Variants in IL17RA observed in about 807,000 individuals in gnomAD.
IL17RA encodes interleukin 17 receptor A.
IL17RA carries 34 observed loss-of-function variants against 50.4 expected under a neutral mutation model. The ratio of observed to expected loss-of-function variants is 0.67; its 90% CI spans 0.51 to 0.90. The LOEUF is 0.90. Ranked by LOEUF, IL17RA falls within the 40% of genes least tolerant of loss-of-function variation. The pLI is 0.00. For missense variants in IL17RA, 1,276 were observed against 1,169.8 expected (o/e 1.09, Z -1.32); for synonymous variants, 585 against 510.4 (o/e 1.15, Z -1.97).
Position 17,087,564 on chromosome 22 carries a change from C to T in IL17RA, c.138+2335C>T, listed in dbSNP as rs575595585. Reference sequence around the variant, plus strand: ...AAGAATGCATGAATGAAGGAAAGAACGGTCAGCTCTGCTTGGAAGGTAGTG... The same window carrying T: ...AAGAATGCATGAATGAAGGAAAGAATGGTCAGCTCTGCTTGGAAGGTAGTG... On this transcript the variant is annotated intron_variant, in intron 1 of 12. Transcript: ENST00000319363. 2.0e-4 allele frequency among the ~76,000 whole-genome samples: 31 copies of T among 152,318 alleles called. No homozygotes were observed. In the South Asian group the frequency reaches 3.3e-3, roughly 16 times the overall value.
chr22:17,107,898 C>A (rs1314770066), intron 12 of IL17RA, 130 bp downstream of exon 12: 36 of 788,788 alleles, frequency 4.6e-5, no homozygotes, highest in Admixed American at 1.9e-5. Flanking sequence ...TTAGAAACCC[C>A]CTTCCAGTAC....
At position 17,097,909 on chromosome 22, in the gene IL17RA, C is replaced by T. The variant is rs780817422; in HGVS notation, c.276C>T (p.Pro92=). The part of the protein sequence containing the change: ...FAHTQQGDLF[P]VAHIEWTLQT... ...ACACCCAACAAGGAGACCTGTTCCC[C>T]GTGGCTCACATCGAATGGACACTGC... The change falls in exon 3 of 13, where the codon CCC becomes CCT. Residue 92 remains proline, a synonymous_variant. Transcript: ENST00000319363. 28 of 1,614,142 alleles carry T rather than the reference C, an allele frequency of 1.7e-5. No homozygotes were observed. The highest frequency in any genetic ancestry group is 8.9e-5 in the East Asian group (4 of 44,886).
chr22:17,103,769 G>A (rs1359256945), intron 8 of IL17RA, among the ~76,000 whole-genome samples, 192 bp downstream of exon 8: 1 of 145,114 alleles, frequency 6.9e-6, no homozygotes, highest in East Asian at 2.0e-4. Context: ...TGGGAGTGGG[G>A]AGTGTGCACA....
Position 17,108,599 on chromosome 22 carries a change from C to A in IL17RA, c.1380C>A (p.Gly460=). Residue 460 remains glycine, a synonymous_variant, in exon 13 of 13, where the codon GGC becomes GGA. Transcript: ENST00000319363. ...GTRAKWQALL[G]RGAPVRLRCD... is the part of the protein sequence containing the mutation. ...GCGCCAAGTGGCAGGCGCTCCTGGG[C>A]CGGGGGGCGCCTGTGCGGCTGCGCT... The A allele has an allele frequency of 6.2e-7, 1 of 1,604,620 alleles. No individual in the cohort carries two copies. The highest frequency in any genetic ancestry group is 8.5e-7 in the Non-Finnish European group (1 of 1,179,556).
intron 1 of IL17RA, among the ~76,000 whole-genome samples, chr22:17,086,182 ACT>A (rs1403105854): frequency 6.7e-6 from 1 of 149,348 alleles, no homozygotes; most frequent in Non-Finnish European, 1.5e-5. Flanking sequence ...TCCACAATAT[ACT>A]CTCCTCTTCC....
intron 2 of IL17RA, 117 bp downstream of exon 2, chr22:17,097,203 C>A: frequency 1.0e-6 from 1 of 979,296 alleles, no homozygotes; most frequent in Non-Finnish European, 1.7e-6. Flanking sequence ...TGAGCTACAG[C>A]CATCCGCAGG....
intron 5 of IL17RA, among the ~76,000 whole-genome samples, chr22:17,101,571 T>C (rs1459835437): frequency 6.6e-6 from 1 of 152,246 alleles, no homozygotes; most frequent in African/African-American, 2.4e-5. Context: ...TATGTATTTG[T>C]TGAAGGAGTG....
intron 1 of IL17RA, among the ~76,000 whole-genome samples, chr22:17,088,393 A>G (rs1373141907): frequency 6.6e-6 from 1 of 152,076 alleles, no homozygotes; most frequent in Non-Finnish European, 1.5e-5. Context: ...ATCTCAGCTC[A>G]CTGCAACCTC....
In IL17RA at chr22:17,094,697, A is replaced by ATGTG. The variant is rs2061362184; in HGVS notation, c.139-2364_139-2363insGTGT. On this transcript the variant is annotated intron_variant, in intron 1 of 12. Coordinates refer to ENST00000319363, the MANE Select transcript of IL17RA (RefSeq NM_014339.7). Reference sequence around the variant, plus strand: ...TCTCTCTCTCTCTCTCTCTCTATATATATATATATATATATATATATTCAG... The same window carrying ATGTG: ...TCTCTCTCTCTCTCTCTCTCTATATATGTGTATATATATATATATATATATTCAG... 2.5e-4 allele frequency among the ~76,000 whole-genome samples: 13 copies of ATGTG among 52,646 alleles called. 3 individuals are homozygous for ATGTG. Among genetic ancestry groups the ATGTG allele is most frequent in the Admixed American group, 4.3e-4 (3 of 7,044 alleles). 34.5% of individuals were successfully genotyped at this position (52,646 alleles called of 152,430 possible). A position where few individuals can be genotyped will look rare whatever the true frequency, so the allele number is the denominator to read the frequency against.
chr22:17,101,296 T>A (rs2061390393), intron 5 of IL17RA, among the ~76,000 whole-genome samples: 1 of 152,234 alleles, frequency 6.6e-6, no homozygotes, highest in African/African-American at 2.4e-5. Flanking sequence ...TATAGTAGGT[T>A]GGTCAAGAAA....
rs2061427823 is a variant in IL17RA, at chr22:17,109,089, G to A, written c.1870G>A (p.Val624Met). 5 of 1,567,898 alleles carry A rather than the reference G, an allele frequency of 3.2e-6. No individual in the cohort carries two copies. In the African/African-American group the frequency reaches 5.4e-5, roughly 17 times the overall value. ...CGGCATCGTGAAGCGGGCGCCCCTG[G>A]TGCGCGAGCCTGGCTCCCAGGCCTG... ...GTGIVKRAPL[V>M]REPGSQACLA... The change falls in exon 13 of 13, where the codon GTG becomes ATG. Residue 624 changes from valine to methionine, a missense_variant. Transcript: ENST00000319363.
rs1028261594 is a variant in IL17RA at position 17,113,578 on chromosome 22, T to C, written c.*3758T>C. The C allele has an allele frequency of 6.6e-6, 1 of 152,316 alleles. No homozygotes were observed. The highest frequency in any genetic ancestry group is 2.4e-5 in the African/African-American group (1 of 41,470). The allele number at this position is 152,316 out of a possible 1,614,324, so 9.4% of individuals were successfully genotyped here. On this transcript the variant is annotated 3_prime_UTR_variant, in exon 13 of 13. Coordinates refer to ENST00000319363, the MANE Select transcript of IL17RA (RefSeq NM_014339.7). ...ACAATGCAGTGGGTGGTTTTAACTC[T>C]ATAGCCTTTGGGCTCTGTGGTTGGT... is the stretch of plus-strand genomic sequence containing the variant.
At position 17,110,159 on chromosome 22, in the gene IL17RA, C is replaced by T. The variant is rs2123814312; in HGVS notation, c.*339C>T. On this transcript the variant is annotated 3_prime_UTR_variant, in exon 13 of 13. Coordinates refer to ENST00000319363, the MANE Select transcript of IL17RA (RefSeq NM_014339.7). ...CAAGATAAATTGCATGCGGCATGGC[C>T]CCAGCCATGAAGGAACTTAACCGCT... 14 of 368,188 alleles carry T rather than the reference C, an allele frequency of 3.8e-5. No homozygotes were observed. The highest frequency in any genetic ancestry group is 3.2e-4 in the South Asian group (14 of 44,070). 22.8% of individuals were successfully genotyped at this position (368,188 alleles called of 1,614,324 possible).
rs753785522 is a variant in IL17RA, at chr22:17,103,586, G to C, written c.846+9G>C. 1 of 1,607,930 alleles carries C rather than the reference G, an allele frequency of 6.2e-7. No homozygotes were observed. Among genetic ancestry groups the C allele is most frequent in the Non-Finnish European group, 8.5e-7 (1 of 1,176,856 alleles). Reference sequence around the variant, plus strand: ...GTCGCCACCAAGTGCAGGTGGGTGAGTGTGGTGTGGACAGGTGCAGGGAGC... The same window carrying C: ...GTCGCCACCAAGTGCAGGTGGGTGACTGTGGTGTGGACAGGTGCAGGGAGC... On this transcript the variant is annotated intron_variant, in intron 8 of 12. Transcript: ENST00000319363.
intron 4 of IL17RA, among the ~76,000 whole-genome samples, chr22:17,100,002 C>G (rs1414723650): frequency 1.3e-5 from 2 of 152,142 alleles, no homozygotes; most frequent in African/African-American, 4.8e-5. Context: ...ATCTCCATAG[C>G]CCCAAGTCCC....
At chr22:17,096,023 C>T (rs568913054) in intron 1 of IL17RA, among the ~76,000 whole-genome samples, 1 of 152,290 alleles carries the variant, frequency 6.6e-6, no homozygotes, top group East Asian at 1.9e-4. Flanking sequence ...CCTACTCACA[C>T]CAGTCACTTT....
chr22:17,100,505 T>C (rs756272240), intron 5 of IL17RA, 24 bp downstream of exon 5: 8 of 1,612,870 alleles, frequency 5.0e-6, no homozygotes, highest in Non-Finnish European at 6.8e-6. Context: ...CCCAAGACAT[T>C]CCCTCCCCAA....
At chr22:17,094,691 C>CTATATATATATA (rs1188416715) in intron 1 of IL17RA, among the ~76,000 whole-genome samples, 22 of 24,700 alleles carry the variant, frequency 8.9e-4, no homozygotes, top group East Asian at 3.1e-3. Flanking sequence ...CTCTCTCTCT[C>CTATATATATATA]TATATATATA....
chr22:17,089,594 A>G (rs2123790413), intron 1 of IL17RA, among the ~76,000 whole-genome samples: 1 of 152,280 alleles, frequency 6.6e-6, no homozygotes, highest in African/African-American at 2.4e-5. Context: ...GTTTTAAAGA[A>G]TGGGCAGTGG....
Sources: allele counts gnomAD v4.1 joint callset (sites outside exome capture counted in the v4.1 genomes callset), GRCh38; gene constraint gnomAD v4.1.1; transcripts MANE v1.5; gene names NCBI Gene and HGNC (gene_info 2026-07-23, HGNC 2026-07-21).